The following CENPE variants were observed in gnomAD, a reference collection of about 807,000 sequenced individuals.
CENPE encodes the protein centromere protein E.
Under a neutral mutation model 336.1 loss-of-function variants are expected in CENPE, and 145 were observed. The observed-to-expected ratio is 0.43, with a 90% CI of 0.38 to 0.50. The LOEUF (loss-of-function observed/expected upper bound fraction) is 0.50. Among genes scored for constraint, CENPE ranks in the 20% least tolerant of loss-of-function variants. The pLI, the probability that CENPE is intolerant of heterozygous loss-of-function variation, is 0.00. For synonymous variants in CENPE, 1,013 were observed against 984.8 expected (o/e 1.03, Z -0.54); for missense variants, 2,719 against 3,023.3 (o/e 0.90, Z 2.36).
At chr4:103,160,600 G>A (rs1754358106) in intron 21 of CENPE, 25 bp downstream of exon 21, 1 of 1,578,494 alleles carries the variant, frequency 6.3e-7, no homozygotes, top group African/African-American at 1.4e-5. Flanking sequence ...CAAAATAAGG[G>A]ATAAGTGCTT....
At position 103,145,922 on chromosome 4, in the gene CENPE, T is replaced by C; in HGVS notation, c.4320A>G (p.Val1440=). Residue 1440 remains valine (V), a synonymous_variant, in exon 30 of 49, where the codon GTA becomes GTG. Coordinates refer to ENST00000265148, the MANE Select transcript of CENPE (RefSeq NM_001813.3). ...TCTGTAGGTCATCTTTCTCCTTAGC[T>C]ACAGATTTCATTTCATCATGACTTT... ...LQESHDEMKS[V]AKEKDDLQRL... 1 of 1,613,938 alleles carries C rather than the reference T, an allele frequency of 6.2e-7. No homozygotes were observed. Among genetic ancestry groups the C allele is most frequent in the South Asian group, 1.1e-5 (1 of 91,058 alleles).
At chr4:103,118,999 C>T (rs1033190948) in intron 44 of CENPE, among the ~76,000 whole-genome samples, 1 of 152,130 alleles carries the variant, frequency 6.6e-6, no homozygotes, top group African/African-American at 2.4e-5. Flanking sequence ...CTACACAGTT[C>T]ACCCTATCAC....
chr4:103,178,764 G>A (rs1251208482), intron 13 of CENPE, among the ~76,000 whole-genome samples: 2 of 151,926 alleles, frequency 1.3e-5, no homozygotes, highest in East Asian at 3.8e-4. Flanking sequence ...ATATTCACTA[G>A]GTTTTATTCT....
intron 29 of CENPE, 118 bp from the exon 30 acceptor site, chr4:103,146,225 C>A: frequency 1.2e-6 from 1 of 849,440 alleles, no homozygotes; most frequent in Non-Finnish European, 1.8e-6. Context: ...ATTTACAGAG[C>A]AATCTCTCCA....
intron 40 of CENPE, among the ~76,000 whole-genome samples, chr4:103,135,119 C>T (rs1486308222): frequency 6.6e-6 from 1 of 152,188 alleles, no homozygotes; most frequent in East Asian, 1.9e-4. Flanking sequence ...CTGCTACTGC[C>T]TCTTAGACAT....
chr4:103,187,216 G>A (rs1756854985), intron 8 of CENPE, among the ~76,000 whole-genome samples: 1 of 152,070 alleles, frequency 6.6e-6, no homozygotes, highest in African/African-American at 2.4e-5. Flanking sequence ...CCAATCAGAC[G>A]TAGATTTGGT....
At chr4:103,113,432 C>T (rs939277492) in intron 46 of CENPE, among the ~76,000 whole-genome samples, 2 of 139,222 alleles carry the variant, frequency 1.4e-5, no homozygotes, top group African/African-American at 2.6e-5. Context: ...TTATATATTA[C>T]TTATATATAT....
At chr4:103,191,722 C>T (rs1379698396) in intron 8 of CENPE, among the ~76,000 whole-genome samples, 1 of 151,548 alleles carries the variant, frequency 6.6e-6, no homozygotes, top group African/African-American at 2.4e-5. Flanking sequence ...TGCAGTATAC[C>T]AACATGGCAC....
chr4:103,140,006 A>C lies in CENPE; in HGVS notation c.5987T>G (p.Ile1996Ser). The change falls in exon 38 of 49, where the codon ATT (isoleucine) becomes AGT (serine). Residue 1996 changes from isoleucine to serine, a missense_variant. Physicochemically the swap from Ile to Ser is moderately radical, Grantham distance 142 (BLOSUM62 -2). This residue lies in a region of CENPE where 2,437 missense variants were observed against 2,513.3 expected (regional missense o/e 0.97). Transcript: ENST00000265148. The part of the protein sequence containing the change: ...KEDVNMSHKK[I>S]NEMEQLKKQF... Reference sequence around the variant, plus strand: ...CTTCTTCAACTGTTCCATTTCATTAATTTTTTTATGACTCATATTGACATC... The same window carrying C: ...CTTCTTCAACTGTTCCATTTCATTACTTTTTTTATGACTCATATTGACATC... 1 of 1,612,662 alleles carries C rather than the reference A, an allele frequency of 6.2e-7. No homozygotes were observed. The highest frequency in any genetic ancestry group is 8.5e-7 in the Non-Finnish European group (1 of 1,179,208).
intron 42 of CENPE, among the ~76,000 whole-genome samples, chr4:103,132,491 T>C (rs1751673497): frequency 6.6e-6 from 1 of 152,162 alleles, no homozygotes; most frequent in Admixed American, 6.5e-5. Flanking sequence ...CTAAATATTA[T>C]ACAACAAGAT....
intron 8 of CENPE, among the ~76,000 whole-genome samples, chr4:103,186,740 T>C (rs1756802986): frequency 6.6e-6 from 1 of 152,132 alleles, no homozygotes; most frequent in African/African-American, 2.4e-5. Context: ...ACAGAGATTA[T>C]TTAAATAGAG....
Position 103,109,064 on chromosome 4 carries a change from C to G in CENPE, c.7750G>C (p.Val2584Leu). Residue 2584 changes from valine to leucine, a missense_variant, in exon 48 of 49, where the codon GTC becomes CTC. By Grantham distance (32) the Val-to-Leu change is conservative. This residue lies in a region of CENPE where 2,437 missense variants were observed against 2,513.3 expected (regional missense o/e 0.97). Transcript: ENST00000265148. ...LSNNQHLSNE[V>L]KTWKERTLKR... ...AGGGTTCTTTCCTTCCAAGTTTTGA[C>G]CTCATTGGAAAGATGCTGATTATTG... 1 of 1,611,888 alleles carries G rather than the reference C, an allele frequency of 6.2e-7. No individual in the cohort carries two copies. Among genetic ancestry groups the G allele is most frequent in the South Asian group, 1.1e-5 (1 of 90,540 alleles).
At chr4:103,167,383 G>T (rs1755012480) in intron 16 of CENPE, among the ~76,000 whole-genome samples, 1 of 151,904 alleles carries the variant, frequency 6.6e-6, no homozygotes, top group East Asian at 1.9e-4. Flanking sequence ...TTTTTCTCTT[G>T]CATAAGCACC....
chr4:103,114,541 G>A lies in CENPE; in HGVS notation c.7454C>T (p.Thr2485Ile). 6.2e-7 allele frequency: 1 copy of A among 1,600,162 alleles called. No individual in the cohort carries two copies. The highest frequency in any genetic ancestry group is 8.5e-7 in the Non-Finnish European group (1 of 1,169,910). ...CTTTTGATATTCTACAGTGGCTTTT[G>A]TAGCACTGATTCTAACAAAAACAAT... is the stretch of plus-strand genomic sequence containing the variant. Reference protein sequence around the residue: ...AKEFEKEISATKATVEYQKEV... With the variant: ...AKEFEKEISAIKATVEYQKEV... The change falls in exon 46 of 49, where the codon ACA becomes ATA. Residue 2485 changes from threonine (T) to isoleucine (I), a missense_variant. Coordinates refer to ENST00000265148, the MANE Select transcript of CENPE (RefSeq NM_001813.3).
At chr4:103,114,379 A>T (rs1042366221) in intron 46 of CENPE, 76 bp downstream of exon 46, 7 of 865,246 alleles carry the variant, frequency 8.1e-6, no homozygotes, top group Non-Finnish European at 1.2e-5. Flanking sequence ...CACATACTAC[A>T]TAATATTAGT....
At chr4:103,173,582 AAATATTTGCAAAATATTTGC>A (rs1208215924) in intron 16 of CENPE, among the ~76,000 whole-genome samples, 5 of 151,946 alleles carry the variant, frequency 3.3e-5, no homozygotes, top group Non-Finnish European at 5.9e-5. Flanking sequence ...ATATTTGCAG[AAATATTTGCAAAATATTTGC>A]AATATTTGCA....
intron 8 of CENPE, among the ~76,000 whole-genome samples, chr4:103,192,633 G>T (rs1405241098): frequency 6.6e-6 from 1 of 152,196 alleles, no homozygotes; most frequent in Non-Finnish European, 1.5e-5. Context: ...GGCAGAAAAA[G>T]ATGAGTCAAA....
Position 103,140,942 on chromosome 4 carries a change from T to G in CENPE, c.5626A>C (p.Lys1876Gln), listed in dbSNP as rs749416611. The change falls in exon 36 of 49, where the codon AAA (lysine) becomes CAA (glutamine). Residue 1876 changes from lysine (K) to glutamine (Q), a missense_variant. Around this residue, in one of 5 missense-constraint regions of CENPE, gnomAD observed 2,437 missense variants for 2,513.3 expected, o/e 0.97. Transcript: ENST00000265148. ...LEIENLNLAQ[K>Q]LHENLEEMKS... ...ATTTCTTCAAGGTTTTCATGAAGTT[T>G]CTGAGCCAAATTTAAATTCTCTATT... 6.2e-6 allele frequency: 10 copies of G among 1,612,724 alleles called. No homozygotes were observed. Among genetic ancestry groups the G allele is most frequent in the Non-Finnish European group, 8.5e-6 (10 of 1,179,050 alleles).
intron 24 of CENPE, among the ~76,000 whole-genome samples, chr4:103,155,063 C>T (rs566188902): frequency 6.6e-6 from 1 of 152,216 alleles, no homozygotes; most frequent in African/African-American, 2.4e-5. Context: ...TTTAGGATCC[C>T]TGGTGAACAG....
Sources: allele counts gnomAD v4.1 joint callset (sites outside exome capture counted in the v4.1 genomes callset), GRCh38; gene constraint gnomAD v4.1.1; regional missense constraint gnomAD v4.1.1; transcripts MANE v1.5; gene names NCBI Gene and HGNC (gene_info 2026-07-23, HGNC 2026-07-21).